The following EBF1 variants were observed in gnomAD, a reference collection of about 807,000 sequenced individuals.
The protein encoded by EBF1 is EBF transcription factor 1.
A neutral mutation model predicts 68.4 loss-of-function variants in EBF1; 10 were observed. That is an observed-to-expected ratio of 0.15 (90% CI 0.09 to 0.25). The LOEUF is 0.25. Among genes scored for constraint, EBF1 ranks in the 10% least tolerant of loss-of-function variants. The pLI is 1.00. For synonymous variants in EBF1, 298 were observed against 299.8 expected (o/e 0.99, Z 0.06); for missense variants, 509 against 794.4 (o/e 0.64, Z 4.32).
At chr5:158,937,055 TC>T (rs1812169296) in intron 6 of EBF1, among the ~76,000 whole-genome samples, 1 of 151,952 alleles carries the variant, frequency 6.6e-6, no homozygotes, top group African/African-American at 2.4e-5. Context: ...GAGGGTCATT[TC>T]AGTCTCTCGG....
At chr5:158,967,914 A>G (rs775352939) in intron 6 of EBF1, among the ~76,000 whole-genome samples, 9 of 152,332 alleles carry the variant, frequency 5.9e-5, no homozygotes, top group Admixed American at 1.3e-4. Flanking sequence ...CATAGATGCT[A>G]TTGAGAACAA....
intron 11 of EBF1, among the ~76,000 whole-genome samples, chr5:158,716,879 G>A (rs774137023): frequency 4.6e-5 from 7 of 152,158 alleles, no homozygotes; most frequent in Non-Finnish European, 4.4e-5. Context: ...ATTTTACAGA[G>A]CTGTCCAAGG....
chr5:158,909,956 T>G (rs75998078), intron 6 of EBF1, among the ~76,000 whole-genome samples: 1 of 46,730 alleles, frequency 2.1e-5, no homozygotes, highest in African/African-American at 7.3e-5. Context: ...ACTCTGTCTA[T>G]AAAAAAAAAA....
chr5:159,046,834 G>A (rs959180459), intron 6 of EBF1, among the ~76,000 whole-genome samples: 5 of 152,132 alleles, frequency 3.3e-5, no homozygotes, highest in Admixed American at 6.5e-5. Flanking sequence ...CAATTTCTAT[G>A]GTGTAAATAT....
At chr5:159,011,933 G>A (rs1467011974) in intron 6 of EBF1, among the ~76,000 whole-genome samples, 3 of 152,220 alleles carry the variant, frequency 2.0e-5, no homozygotes, top group Non-Finnish European at 2.9e-5. Flanking sequence ...GAAGCCACTT[G>A]GCTTTGCATC....
intron 6 of EBF1, among the ~76,000 whole-genome samples, chr5:158,997,434 T>A (rs1381794117): frequency 6.6e-6 from 1 of 152,154 alleles, no homozygotes. Context: ...AAATTGCTAA[T>A]CCACATACAT....
At chr5:158,985,136 A>T (rs1286716222) in intron 6 of EBF1, among the ~76,000 whole-genome samples, 2 of 152,236 alleles carry the variant, frequency 1.3e-5, no homozygotes, top group African/African-American at 4.8e-5. Context: ...GTTTTTTAAA[A>T]CAGTACAGAT....
At chr5:158,734,606 T>C (rs925540630) in intron 10 of EBF1, among the ~76,000 whole-genome samples, 2 of 152,066 alleles carry the variant, frequency 1.3e-5, no homozygotes, top group African/African-American at 4.8e-5. Flanking sequence ...AATATAAAGT[T>C]AATCCTTCAA....
intron 6 of EBF1, among the ~76,000 whole-genome samples, chr5:158,914,449 GCTGA>G (rs1562287704): frequency 6.6e-6 from 1 of 152,230 alleles, no homozygotes; most frequent in South Asian, 2.1e-4. Flanking sequence ...ATGTTACAAG[GCTGA>G]CTATTAGGCC....
intron 6 of EBF1, among the ~76,000 whole-genome samples, chr5:158,952,112 G>C (rs559520109): frequency 1.3e-5 from 2 of 152,280 alleles, no homozygotes; most frequent in African/African-American, 4.8e-5. Flanking sequence ...GCAGGGCCAG[G>C]CCGGCCTCTC....
chr5:158,948,090 A>C (rs999926154), intron 6 of EBF1, among the ~76,000 whole-genome samples: 1 of 152,192 alleles, frequency 6.6e-6, no homozygotes, highest in Non-Finnish European at 1.5e-5. Flanking sequence ...AAATTGACAG[A>C]CTGTCACAGG....
At chr5:158,803,370 T>C (rs1582032433) in intron 8 of EBF1, among the ~76,000 whole-genome samples, 2 of 151,074 alleles carry the variant, frequency 1.3e-5, no homozygotes, top group African/African-American at 4.9e-5. Flanking sequence ...TTTTTTTTTT[T>C]TTCAGTGAAT....
chr5:158,806,432 C>CT (rs1781609718), intron 8 of EBF1, among the ~76,000 whole-genome samples: 1 of 152,074 alleles, frequency 6.6e-6, no homozygotes. Flanking sequence ...GAGAGGATCC[C>CT]TCCAGCAGTC....
intron 6 of EBF1, among the ~76,000 whole-genome samples, chr5:158,906,431 T>G (rs1038769024): frequency 1.3e-5 from 2 of 151,912 alleles, no homozygotes; most frequent in Non-Finnish European, 2.9e-5. Flanking sequence ...AACTCAAAAT[T>G]CAGTTTAATG....
At chr5:158,833,835 TC>T (rs1288424684) in intron 7 of EBF1, among the ~76,000 whole-genome samples, 3 of 152,206 alleles carry the variant, frequency 2.0e-5, no homozygotes, top group African/African-American at 7.2e-5. Flanking sequence ...AGAGCTAGTA[TC>T]ATCCCAAGAA....
At chr5:159,096,431 C>T (rs1394233603) in intron 2 of EBF1, 25 bp from the exon 3 acceptor site, 16 of 1,611,060 alleles carry the variant, frequency 9.9e-6, no homozygotes, top group Non-Finnish European at 1.3e-5. Flanking sequence ...GACGCAAAGA[C>T]ACAAGAGATG....
intron 6 of EBF1, among the ~76,000 whole-genome samples, chr5:159,026,800 C>T (rs1320412575): frequency 6.6e-6 from 1 of 152,112 alleles, no homozygotes; most frequent in Non-Finnish European, 1.5e-5. Context: ...ACCAATGTCG[C>T]TTTATTTTCT....
chr5:159,097,574 T>G (rs557310927), intron 1 of EBF1: 84 of 239,678 alleles, frequency 3.5e-4, no homozygotes, highest in African/African-American at 1.8e-3. Context: ...ATGGAAAACA[T>G]GCTCGGCGTC....
At position 158,696,442 on chromosome 5, in the gene EBF1, T is replaced by A; in HGVS notation, c.*2669A>T. On this transcript the variant is annotated 3_prime_UTR_variant, in exon 16 of 16. Coordinates refer to ENST00000313708, the MANE Select transcript of EBF1 (RefSeq NM_024007.5). ...GCACATGGCTGACAGATGGGTAGTG[T>A]CTGTTGTCAAGGTCTAAGCCGGACA... The A allele has an allele frequency of 4.5e-6, 1 of 221,748 alleles. No individual in the cohort carries two copies. The highest frequency in any genetic ancestry group is 6.5e-5 in the East Asian group (1 of 15,298). The allele number at this position is 221,748 out of a possible 1,614,324, so 13.7% of individuals were successfully genotyped here.
Sources: allele counts gnomAD v4.1 joint callset (sites outside exome capture counted in the v4.1 genomes callset), GRCh38; gene constraint gnomAD v4.1.1; transcripts MANE v1.5; gene names NCBI Gene and HGNC (gene_info 2026-07-23, HGNC 2026-07-21).